Variants in PHF23 observed in about 807,000 individuals in gnomAD.
PHF23 encodes the protein PHD finger protein 23.
A neutral mutation model predicts 36.0 loss-of-function variants in PHF23; 3 were observed. The observed-to-expected ratio is 0.08, with a 90% confidence interval of 0.04 to 0.22. PHF23 has a LOEUF of 0.22. PHF23 is among the 10% of genes least tolerant of loss of function. The pLI, the probability that PHF23 is intolerant of heterozygous loss-of-function variation, is 1.00. For missense variants in PHF23, 475 were observed against 513.6 expected, an observed-to-expected ratio of 0.92 and a Z score of 0.73; for synonymous variants, 242 against 192.5, an observed-to-expected ratio of 1.26 and a Z score of -2.13.
chr17:7,240,214 T>A (rs540379232), upstream of PHF23: 3 of 152,318 alleles, frequency 2.0e-5, no homozygotes, highest in Admixed American at 2.0e-4. Flanking sequence ...CAAGAAATAA[T>A]CCTCAGTATT....
Position 7,236,468 on chromosome 17 carries a change from G to A in PHF23, c.459C>T (p.Ser153=). ...PKVASPLSPT[S]LTHTSRPPAA... Reference sequence around the variant, plus strand: ...CAGGGGGCCGGGAGGTATGTGTCAGGGATGTGGGGGACAAAGGAGATGCCA... The same window carrying A: ...CAGGGGGCCGGGAGGTATGTGTCAGAGATGTGGGGGACAAAGGAGATGCCA... Residue 153 remains serine (S), a synonymous_variant, in exon 4 of 5, where the codon TCC becomes TCT. Transcript: ENST00000320316. This position sits in a 1 kb window ranked among gnomAD's most constrained non-coding sequence, Gnocchi z 5.1. 1 of 1,613,866 alleles carries A rather than the reference G, an allele frequency of 6.2e-7. No homozygotes were observed. Among genetic ancestry groups the A allele is most frequent in the East Asian group, 2.2e-5 (1 of 44,866 alleles).
upstream of PHF23, chr17:7,239,504 C>CCTCCTCCTG: frequency 2.1e-6 from 1 of 472,208 alleles, no homozygotes; most frequent in Non-Finnish European, 3.8e-6. Flanking sequence ...CCTGCTCCCT[C>CCTCCTCCTG]CTCCTCCTCC....
chr17:7,239,396 C>T lies in PHF23; in HGVS notation c.-117G>A, dbSNP rs1383100096. On this transcript the variant is annotated 5_prime_UTR_variant, in exon 1 of 5. Coordinates refer to ENST00000320316, the MANE Select transcript of PHF23 (RefSeq NM_024297.3). ...CTCCACAGAAGTGTCCGCCTCAGCC[C>T]GGTTGAGACTCGAGTCCGCTAGCCG... 2 of 556,446 alleles carry T rather than the reference C, an allele frequency of 3.6e-6. No homozygotes were observed. The highest frequency in any genetic ancestry group is 3.9e-5 in the African/African-American group (2 of 51,724). The allele number at this position is 556,446 out of a possible 1,614,324, so 34.5% of individuals were successfully genotyped here.
chr17:7,238,115 G>T (rs900285668), intron 1 of PHF23: 3 of 179,988 alleles, frequency 1.7e-5, no homozygotes, highest in African/African-American at 2.5e-5. Context: ...AGCCCCCAGG[G>T]TCCAGGATGA....
chr17:7,239,270 C>T lies in PHF23; in HGVS notation c.10G>A (p.Ala4Thr). Reference protein sequence around the residue: MLEAMAEPSPEDPP... With the variant: MLETMAEPSPEDPP... The stretch of plus-strand genomic sequence containing the variant: ...CCTTCGGGACTGGGCTCCGCCATGG[C>T]TTCCAGCATCGCCCCCTCCCCTCCT... The change falls in exon 1 of 5, where the codon GCC becomes ACC. Residue 4 changes from alanine (A) to threonine (T), a missense_variant. Coordinates refer to ENST00000320316, the MANE Select transcript of PHF23 (RefSeq NM_024297.3). 1 of 1,525,716 alleles carries T rather than the reference C, an allele frequency of 6.6e-7. No individual in the cohort carries two copies. The allele number at this position is 1,525,716 out of a possible 1,614,324, so 94.5% of individuals were successfully genotyped here.
At chr17:7,237,703 C>T (rs373356133) in intron 1 of PHF23, 43 bp from the exon 2 acceptor site, 16 of 1,605,986 alleles carry the variant, frequency 1.0e-5, no homozygotes, top group African/African-American at 2.7e-5. Flanking sequence ...TAGGAACAAT[C>T]TGTGTAAAAC....
upstream of PHF23, chr17:7,239,519 CCT>C: frequency 7.5e-6 from 3 of 401,614 alleles, no homozygotes; most frequent in Non-Finnish European, 1.4e-5. Context: ...TCCTCCTCCA[CCT>C]CCTCTCTCCT....
chr17:7,238,552 G>T, intron 1 of PHF23: 1 of 1,075,796 alleles, frequency 9.3e-7, no homozygotes, highest in Non-Finnish European at 1.1e-6. Flanking sequence ...TGCTGCCGCC[G>T]ATGCCCCCCT....
chr17:7,238,238 C>T (rs1194842701), intron 1 of PHF23: 1 of 145,198 alleles, frequency 6.9e-6, no homozygotes, highest in Non-Finnish European at 1.5e-5. Context: ...CGCTACTTCA[C>T]GGCCGGGACA....
At chr17:7,237,334 C>T (rs374536616) in intron 3 of PHF23, 51 bp downstream of exon 3, 1 of 1,456,326 alleles carries the variant, frequency 6.9e-7, no homozygotes, top group Non-Finnish European at 9.6e-7. Context: ...ACAACAGTCA[C>T]TCTATAGTCC....
intron 1 of PHF23, chr17:7,238,644 C>G: frequency 1.5e-6 from 1 of 656,892 alleles, no homozygotes; most frequent in Non-Finnish European, 1.7e-6. Flanking sequence ...CTTAACCCCC[C>G]CCACCCCGCC....
At position 7,236,779 on chromosome 17, in the gene PHF23, G is replaced by C. The variant is rs930288045; in HGVS notation, c.160-12C>G. The C allele has an allele frequency of 6.2e-7, 1 of 1,600,776 alleles. No homozygotes were observed. Among genetic ancestry groups the C allele is most frequent in the African/African-American group, 1.3e-5 (1 of 74,652 alleles). The stretch of plus-strand genomic sequence containing the variant: ...GGCCAGTCACTTTCCTTAAAAGGGG[G>C]AAGAGACCAGGGTCAGCAGAACCCC... On this transcript the variant is annotated splice_polypyrimidine_tract_variant and intron_variant, in intron 3 of 4. Transcript: ENST00000320316. The surrounding 1 kb of genome is among the most constrained non-coding windows in gnomAD (Gnocchi z 5.1).
In PHF23 at chr17:7,235,611, C is replaced by T. The variant is rs750362857; in HGVS notation, c.*15G>A. 2 of 1,610,782 alleles carry T rather than the reference C, an allele frequency of 1.2e-6. No homozygotes were observed. The highest frequency in any genetic ancestry group is 1.7e-6 in the Non-Finnish European group (2 of 1,179,800). Reference sequence around the variant, plus strand: ...CATGTTGTCATTTGGAAGTTCCAGGCTAAAGTTGGTGCCATCAGGGCTCTC... The same window carrying T: ...CATGTTGTCATTTGGAAGTTCCAGGTTAAAGTTGGTGCCATCAGGGCTCTC... On this transcript the variant is annotated 3_prime_UTR_variant, in exon 5 of 5. Transcript: ENST00000320316.
In PHF23 at chr17:7,236,116, G is replaced by A. The variant is rs2071654869; in HGVS notation, c.811C>T (p.Pro271Ser). The change falls in exon 4 of 5, where the codon CCA (proline) becomes TCA (serine). Residue 271 changes from proline (P) to serine (S), a missense_variant. Physicochemically the swap from Pro to Ser is moderately conservative, Grantham distance 74 (BLOSUM62 -1). Coordinates refer to ENST00000320316, the MANE Select transcript of PHF23 (RefSeq NM_024297.3). The surrounding 1 kb of genome is among the most constrained non-coding windows in gnomAD (Gnocchi z 5.1). The stretch of plus-strand genomic sequence containing the variant: ...GGGGGTGTTGGCAGCACAGGGACTG[G>A]GGCTTCACCCCCTACCACTGTTGCC... ...EMATVVGGEA[P>S]VPVLPTPPEA... The A allele has an allele frequency of 6.2e-7, 1 of 1,611,958 alleles. No homozygotes were observed.
rs768359217 is a variant in PHF23, at chr17:7,235,142, TTTCC to T, written c.*480_*483del. 6.7e-5 allele frequency: 12 copies of T among 180,236 alleles called. No individual in the cohort carries two copies. The highest frequency in any genetic ancestry group is 1.3e-4 in the Non-Finnish European group (11 of 82,770). 11.2% of individuals were successfully genotyped at this position (180,236 alleles called of 1,614,324 possible). ...TGAGTGAGAATCGTCACCTTTCTGC[TTTCC>T]TTCCTCACTTGGCCAGGCTCTAGTA... On this transcript the variant is annotated 3_prime_UTR_variant, in exon 5 of 5. Transcript: ENST00000320316.
intron 1 of PHF23, chr17:7,238,813 G>A (rs1436790830): frequency 1.1e-5 from 17 of 1,532,550 alleles, no homozygotes; most frequent in Non-Finnish European, 1.4e-5. Context: ...GGCATTCTCC[G>A]GCGGCAACTA....
At position 7,238,792 on chromosome 17, in the gene PHF23, G is replaced by A. The variant is rs1352919054; in HGVS notation, c.34+454C>T. ...CCCACAACTACCTGCCCACCTCTCC[G>A]ACAATCACCGGGCATTCTCCGGCGG... On this transcript the variant is annotated intron_variant, in intron 1 of 4. Coordinates refer to ENST00000320316, the MANE Select transcript of PHF23 (RefSeq NM_024297.3). 2.6e-6 allele frequency: 4 copies of A among 1,530,022 alleles called. No individual in the cohort carries two copies. The African/African-American group carries it at 4.2e-5, about 16-fold the overall frequency. 94.8% of individuals were successfully genotyped at this position (1,530,022 alleles called of 1,614,324 possible).
rs1163905263 is a variant in PHF23, at chr17:7,235,178, C to CT, written c.*447dup. On this transcript the variant is annotated 3_prime_UTR_variant, in exon 5 of 5. Coordinates refer to ENST00000320316, the MANE Select transcript of PHF23 (RefSeq NM_024297.3). Reference sequence around the variant, plus strand: ...ACTTGGCCAGGCTCTAGTACTCCACCTTTGAGCTGCCATGCCCAATAGGGG... The same window carrying CT: ...ACTTGGCCAGGCTCTAGTACTCCACCTTTTGAGCTGCCATGCCCAATAGGGG... 4.8e-6 allele frequency: 1 copy of CT among 209,870 alleles called. No individual in the cohort carries two copies. Among genetic ancestry groups the CT allele is most frequent in the Non-Finnish European group, 9.9e-6 (1 of 100,820 alleles). 13.0% of individuals were successfully genotyped at this position (209,870 alleles called of 1,614,324 possible).
At position 7,238,896 on chromosome 17, in the gene PHF23, C is replaced by T. The variant is rs1462089655; in HGVS notation, c.34+350G>A. ...TACCGGGCCCCTCACTCAGCCTCTT[C>T]TACGTCCTCCCTCCTGAGCAACTCT... is the stretch of plus-strand genomic sequence containing the variant. On this transcript the variant is annotated intron_variant, in intron 1 of 4. Transcript: ENST00000320316. The T allele has an allele frequency of 2.6e-6, 4 of 1,533,252 alleles. No homozygotes were observed. In the African/African-American group the frequency reaches 5.5e-5, roughly 21 times the overall value. 95.0% of individuals were successfully genotyped at this position (1,533,252 alleles called of 1,614,324 possible).
Sources: gnomAD v4.1 joint callset for allele counts on GRCh38, gnomAD v4.1.1 for gene constraint, Gnocchi (gnomAD v3.1) non-coding constraint, MANE v1.5 for transcripts, NCBI Gene and HGNC (gene_info 2026-07-23, HGNC 2026-07-21) for gene names.